The following RHOU variants were observed in gnomAD, a reference collection of about 807,000 sequenced individuals.
RHOU encodes the protein ras homolog family member U, also known as rho-related GTP-binding protein RhoU.
RHOU carries 8 observed loss-of-function variants against 12.6 expected under a neutral mutation model. That is an observed-to-expected ratio of 0.64 (90% CI 0.37 to 1.15). RHOU has a LOEUF of 1.15. RHOU is among the 50% of genes most tolerant of loss of function. The pLI, the probability that RHOU is intolerant of heterozygous loss-of-function variation, is 0.01. For synonymous variants in RHOU, 161 were observed against 147.4 expected (o/e 1.09, Z -0.67); for missense variants, 258 against 347.0 (o/e 0.74, Z 2.04).
chr1:228,677,509 T>G, the RHOU span, among the ~76,000 whole-genome samples: 6 of 152,098 alleles, frequency 3.9e-5, no homozygotes, highest in Non-Finnish European at 8.8e-5. Context: ...CCCCCCTTTT[T>G]TTTAGCAGTG....
chr1:228,648,856 C>CTT, the RHOU span, among the ~76,000 whole-genome samples: 17 of 136,790 alleles, frequency 1.2e-4, no homozygotes, highest in Admixed American at 2.9e-4. Context: ...CTCTTCCTCT[C>CTT]TCTCTTTCTT....
At chr1:228,695,701 T>C in the RHOU span, among the ~76,000 whole-genome samples, 29 of 152,290 alleles carry the variant, frequency 1.9e-4, no homozygotes, top group African/African-American at 6.3e-4. Context: ...GGGGCAGAGC[T>C]TTCATGCATT....
chr1:228,690,989 A>G, the RHOU span, among the ~76,000 whole-genome samples: 1 of 152,166 alleles, frequency 6.6e-6, no homozygotes, highest in African/African-American at 2.4e-5. Flanking sequence ...TGTCATTAAT[A>G]GTGCCTTCAA....
the RHOU span, among the ~76,000 whole-genome samples, chr1:228,697,312 G>A: frequency 4.9e-4 from 74 of 152,272 alleles, no homozygotes; most frequent in African/African-American, 1.6e-3. Context: ...AGGCACAAAC[G>A]CCCTGAATAT....
Position 228,739,022 on chromosome 1 carries a change from G to C in RHOU, c.321+1291G>C, listed in dbSNP as rs149779357. 7.6e-3 allele frequency among the ~76,000 whole-genome samples: 1,161 copies of C among 152,264 alleles called. 22 individuals carry two copies. Among genetic ancestry groups the C allele is most frequent in the African/African-American group, 0.026 (1,095 of 41,542 alleles). On this transcript the variant is annotated intron_variant, in intron 2 of 2. Coordinates refer to ENST00000366691, the MANE Select transcript of RHOU (RefSeq NM_021205.6). The stretch of plus-strand genomic sequence containing the variant: ...CCAGCCACCAGCCACTCAGGAGGCT[G>C]AGGTGAGAGGATCGCTTGAACCCAG...
chr1:228,663,969 C>A, the RHOU span, among the ~76,000 whole-genome samples: 1 of 103,652 alleles, frequency 9.6e-6, no homozygotes. Flanking sequence ...CCCCTCCCCT[C>A]CCCTCCCCTT....
chr1:228,691,711 T>C, the RHOU span, among the ~76,000 whole-genome samples: 1 of 152,228 alleles, frequency 6.6e-6, no homozygotes, highest in African/African-American at 2.4e-5. Flanking sequence ...TGAATATCTA[T>C]GTACAGATTT....
chr1:228,655,098 T>C, the RHOU span, among the ~76,000 whole-genome samples: 1 of 151,846 alleles, frequency 6.6e-6, no homozygotes, highest in Admixed American at 6.6e-5. Context: ...ATATTACTAT[T>C]AACCTTGCTT....
chr1:228,736,802 T>A (rs55956922), intron 1 of RHOU, among the ~76,000 whole-genome samples: 23,385 of 152,146 alleles, frequency 0.15, 2,070 homozygotes, highest in South Asian at 0.22. Context: ...TCACAGAAAC[T>A]AGTATGAAAC....
the RHOU span, chr1:228,687,917 C>T: frequency 4.1e-6 from 3 of 739,578 alleles, no homozygotes; most frequent in Non-Finnish European, 7.3e-6. Context: ...CCCCCTCTCC[C>T]TCCTCTGCTC....
At position 228,737,902 on chromosome 1, in the gene RHOU, C is replaced by T. The variant is rs771632983; in HGVS notation, c.321+171C>T. Among the ~76,000 whole-genome samples, 6 of 152,126 alleles carry T rather than the reference C, an allele frequency of 3.9e-5. No individual in the cohort carries two copies. Among genetic ancestry groups the T allele is most frequent in the East Asian group, 1.9e-4 (1 of 5,184 alleles). The stretch of plus-strand genomic sequence containing the variant: ...GGTGGGCAGGGGCCAGGTTATTGGC[C>T]GGCAGGAAGCAGAGGAAGATACCTC... On this transcript the variant is annotated intron_variant, in intron 2 of 2. Transcript: ENST00000366691. The surrounding 1 kb of genome is among the most constrained non-coding windows in gnomAD (Gnocchi z 4.1).
chr1:228,743,934 C>CT lies in RHOU; in HGVS notation c.*196dup. 1.9e-6 allele frequency: 1 copy of CT among 535,428 alleles called. No individual in the cohort carries two copies. The highest frequency in any genetic ancestry group is 3.1e-5 in the South Asian group (1 of 32,026). 33.2% of individuals were successfully genotyped at this position (535,428 alleles called of 1,614,324 possible). On this transcript the variant is annotated 3_prime_UTR_variant, in exon 3 of 3. Coordinates refer to ENST00000366691, the MANE Select transcript of RHOU (RefSeq NM_021205.6). The surrounding 1 kb of genome is among the most constrained non-coding windows in gnomAD (Gnocchi z 5.1). ...TTTGTTTGAGCTTAGGGATGAGATA[C>CT]TTATGCAAGATATTTTTGAAGTAAA...
chr1:228,660,520 G>GA, the RHOU span, among the ~76,000 whole-genome samples: 6 of 151,752 alleles, frequency 4.0e-5, no homozygotes, highest in African/African-American at 1.5e-4. Flanking sequence ...GATTTTACAA[G>GA]AAAAAACTGT....
the RHOU span, among the ~76,000 whole-genome samples, chr1:228,699,818 TTGCA>T: frequency 6.6e-6 from 1 of 152,148 alleles, no homozygotes; most frequent in African/African-American, 2.4e-5. Context: ...ATCAGTTTTC[TTGCA>T]TGGGAAAGCT....
At chr1:228,668,986 G>A in the RHOU span, among the ~76,000 whole-genome samples, 1 of 152,234 alleles carries the variant, frequency 6.6e-6, no homozygotes, top group African/African-American at 2.4e-5. Context: ...ATGAAAAGGG[G>A]CAGGATGGGC....
chr1:228,704,022 C>T, the RHOU span, among the ~76,000 whole-genome samples: 1 of 152,170 alleles, frequency 6.6e-6, no homozygotes, highest in Admixed American at 6.5e-5. Flanking sequence ...CTGAGGCTCA[C>T]CTTAGACAAA....
the RHOU span, among the ~76,000 whole-genome samples, chr1:228,704,091 C>T: frequency 2.0e-5 from 3 of 152,162 alleles, no homozygotes; most frequent in South Asian, 2.1e-4. Context: ...ATTCACTGAG[C>T]CAGACTATAT....
At chr1:228,656,511 T>C in the RHOU span, among the ~76,000 whole-genome samples, 3 of 152,176 alleles carry the variant, frequency 2.0e-5, no homozygotes, top group African/African-American at 7.2e-5. Context: ...GGACCCATAA[T>C]ACATAAACAT....
At chr1:228,714,740 C>CTTTTTTTTT in the RHOU span, among the ~76,000 whole-genome samples, 71 of 83,710 alleles carry the variant, frequency 8.5e-4, no homozygotes, top group Non-Finnish European at 1.2e-3. Flanking sequence ...TGTTAATTAT[C>CTTTTTTTTT]TTTTTTTTTT....
Sources: allele counts gnomAD v4.1 joint callset (sites outside exome capture counted in the v4.1 genomes callset), GRCh38; gene constraint gnomAD v4.1.1; non-coding constraint Gnocchi (gnomAD v3.1); transcripts MANE v1.5; gene names NCBI Gene and HGNC (gene_info 2026-07-23, HGNC 2026-07-21).